The following ADGRB3 variants were observed in gnomAD, a reference collection of about 807,000 sequenced individuals.
ADGRB3 encodes brain-specific angiogenesis inhibitor 3.
Under a neutral mutation model 193.4 loss-of-function variants are expected in ADGRB3, and 37 were observed. The observed-to-expected ratio is 0.19, with a 90% CI of 0.15 to 0.25. The LOEUF (loss-of-function observed/expected upper bound fraction) is 0.25. ADGRB3 is among the 10% of genes least tolerant of loss of function. The probability of loss-of-function intolerance (pLI) is 1.00; values close to 1 mark genes in which losing one functional copy is unlikely to be tolerated. For missense variants in ADGRB3, 1,637 were observed against 1,852.9 expected (o/e 0.88, Z 2.14); for synonymous variants, 690 against 644.2 (o/e 1.07, Z -1.08).
intron 20 of ADGRB3, among the ~76,000 whole-genome samples, chr6:69,269,004 T>G (rs1232075026): frequency 6.6e-6 from 1 of 152,158 alleles, no homozygotes; most frequent in Non-Finnish European, 1.5e-5. Context: ...TATTATTCTT[T>G]TATTTATTAT....
chr6:69,179,992 A>C (rs1201717698), intron 17 of ADGRB3, among the ~76,000 whole-genome samples: 1 of 152,162 alleles, frequency 6.6e-6, no homozygotes, highest in Admixed American at 6.5e-5. Flanking sequence ...GCAGGGCCAG[A>C]CTGGGCATGT....
At chr6:68,744,511 G>A (rs1048584067) in intron 3 of ADGRB3, among the ~76,000 whole-genome samples, 2 of 152,030 alleles carry the variant, frequency 1.3e-5, no homozygotes, top group Non-Finnish European at 2.9e-5. Flanking sequence ...TGATAGACTG[G>A]GTAAAGAAAA....
At chr6:69,029,010 A>G (rs1280328605) in intron 13 of ADGRB3, among the ~76,000 whole-genome samples, 1 of 152,144 alleles carries the variant, frequency 6.6e-6, no homozygotes, top group Non-Finnish European at 1.5e-5. Context: ...AATTTGTCCT[A>G]CATCAGTGCC....
intron 17 of ADGRB3, among the ~76,000 whole-genome samples, chr6:69,109,081 G>T (rs990678165): frequency 7.2e-5 from 11 of 152,126 alleles, no homozygotes; most frequent in Non-Finnish European, 1.6e-4. Flanking sequence ...CAATAAGAGG[G>T]TTACAGTATC....
At chr6:68,817,998 G>T (rs777743688) in intron 3 of ADGRB3, among the ~76,000 whole-genome samples, 1 of 152,042 alleles carries the variant, frequency 6.6e-6, no homozygotes, top group Non-Finnish European at 1.5e-5. Flanking sequence ...GTGGTGAAAT[G>T]GGATAGAAGT....
chr6:68,904,171 T>C (rs1457931208), intron 3 of ADGRB3, among the ~76,000 whole-genome samples: 3 of 151,316 alleles, frequency 2.0e-5, no homozygotes, highest in Non-Finnish European at 4.4e-5. Flanking sequence ...GGCATGAAAA[T>C]ATTCAAATTT....
chr6:69,220,952 G>A, intron 17 of ADGRB3, among the ~76,000 whole-genome samples: 1 of 151,714 alleles, frequency 6.6e-6, no homozygotes, highest in East Asian at 1.9e-4. Flanking sequence ...ATTTCTGATT[G>A]GGTTGTAGGT....
At chr6:68,728,945 A>T (rs894855043) in intron 3 of ADGRB3, among the ~76,000 whole-genome samples, 1 of 149,376 alleles carries the variant, frequency 6.7e-6, no homozygotes, top group African/African-American at 2.5e-5. Context: ...CTTCAATGTG[A>T]TTTTTTTTTT....
At chr6:69,321,167 G>A (rs1408746382) in intron 20 of ADGRB3, among the ~76,000 whole-genome samples, 1 of 151,602 alleles carries the variant, frequency 6.6e-6, no homozygotes, top group Non-Finnish European at 1.5e-5. Context: ...ATTTTTTCCT[G>A]TTATTTTAAG....
In ADGRB3 at chr6:68,936,773, T is replaced by C. The variant is rs951706496; in HGVS notation, c.1030+93T>C. 26 of 1,353,280 alleles carry C rather than the reference T, an allele frequency of 1.9e-5. No homozygotes were observed. The African/African-American group carries it at 3.5e-4, about 18-fold the overall frequency. 83.8% of individuals were successfully genotyped at this position (1,353,280 alleles called of 1,614,324 possible). On this transcript the variant is annotated intron_variant, in intron 5 of 31. Transcript: ENST00000370598. ...TTGTTATTTTCATATGAAACGGGTA[T>C]AGGCATTTTGATTAGAGTGGATAAG...
intron 3 of ADGRB3, among the ~76,000 whole-genome samples, chr6:68,746,447 A>G (rs1339943464): frequency 6.6e-6 from 1 of 152,012 alleles, no homozygotes; most frequent in Non-Finnish European, 1.5e-5. Flanking sequence ...AATGTTTATA[A>G]TTTTTATATA....
intron 3 of ADGRB3, among the ~76,000 whole-genome samples, chr6:68,776,349 T>A (rs781137458): frequency 9.8e-5 from 15 of 152,292 alleles, no homozygotes; most frequent in Non-Finnish European, 2.1e-4. Context: ...TTACATATGA[T>A]GATTCTCAGA....
At chr6:68,761,735 A>G (rs940754268) in intron 3 of ADGRB3, among the ~76,000 whole-genome samples, 3 of 145,832 alleles carry the variant, frequency 2.1e-5, no homozygotes, top group Non-Finnish European at 4.5e-5. Flanking sequence ...GATCAAGTCT[A>G]AGGTTTTTAA....
intron 17 of ADGRB3, among the ~76,000 whole-genome samples, chr6:69,099,198 A>G (rs1219059953): frequency 1.3e-5 from 2 of 152,218 alleles, no homozygotes; most frequent in African/African-American, 2.4e-5. Context: ...GTGTGGTCCA[A>G]TTCCCCCACA....
In ADGRB3 at chr6:68,639,173, T is replaced by A; in HGVS notation, c.498T>A (p.Phe166Leu). 6.2e-7 allele frequency: 1 copy of A among 1,614,194 alleles called. No individual in the cohort carries two copies. Among genetic ancestry groups the A allele is most frequent in the Non-Finnish European group, 8.5e-7 (1 of 1,180,032 alleles). Residue 166 changes from phenylalanine to leucine, a missense_variant, in exon 3 of 32, where the codon TTT becomes TTA. Around this residue, in one of 7 missense-constraint regions of ADGRB3, gnomAD observed 365 missense variants for 409.8 expected, o/e 0.89. Transcript: ENST00000370598. ...TGAACAAGGTCAGCCCAAGCCAGTT[T>A]GGTTGCCATGTATTATGTACTTGGT... Reference protein sequence around the residue: ...LVLNKVSPSQFGCHVLCTWLE... With the variant: ...LVLNKVSPSQLGCHVLCTWLE...
chr6:68,821,586 A>T, intron 3 of ADGRB3, among the ~76,000 whole-genome samples: 1 of 151,718 alleles, frequency 6.6e-6, no homozygotes, highest in Non-Finnish European at 1.5e-5. Flanking sequence ...ATTTGTTTCT[A>T]TAAAAAAAAA....
At chr6:68,695,581 C>A (rs183003684) in intron 3 of ADGRB3, among the ~76,000 whole-genome samples, 131 of 152,076 alleles carry the variant, frequency 8.6e-4, no homozygotes, top group African/African-American at 3.1e-3. Context: ...TGGGGAAGGG[C>A]CCCCTGGATT....
chr6:69,125,698 G>A (rs536214883), intron 17 of ADGRB3, among the ~76,000 whole-genome samples: 1 of 152,276 alleles, frequency 6.6e-6, no homozygotes, highest in Non-Finnish European at 1.5e-5. Context: ...AACAGGCAAA[G>A]CCAATGTCTA....
chr6:68,764,641 G>A (rs1205769202), intron 3 of ADGRB3, among the ~76,000 whole-genome samples: 1 of 152,178 alleles, frequency 6.6e-6, no homozygotes, highest in Non-Finnish European at 1.5e-5. Flanking sequence ...CACAGGAAGT[G>A]TGAAGATAGA....
Sources: allele counts gnomAD v4.1 joint callset (sites outside exome capture counted in the v4.1 genomes callset), GRCh38; gene constraint gnomAD v4.1.1; regional missense constraint gnomAD v4.1.1; transcripts MANE v1.5; gene names NCBI Gene and HGNC (gene_info 2026-07-23, HGNC 2026-07-21).